The following EXOC6B variants were observed in gnomAD, a reference collection of about 807,000 sequenced individuals.
EXOC6B encodes exocyst complex component 6B.
In EXOC6B, 54 loss-of-function variants were observed where a neutral mutation model predicts 113.5. The observed-to-expected ratio is 0.48, with a 90% CI of 0.38 to 0.60. The LOEUF (loss-of-function observed/expected upper bound fraction) is 0.60. EXOC6B is among the 20% of genes least tolerant of loss of function. EXOC6B has a pLI of 0.00. For missense variants in EXOC6B, 797 were observed against 977.5 expected, an observed-to-expected ratio of 0.82 and a Z score of 2.46; for synonymous variants, 357 against 339.0, an observed-to-expected ratio of 1.05 and a Z score of -0.58.
At position 72,590,176 on chromosome 2, in the gene EXOC6B, A is replaced by G. The variant is rs760067581; in HGVS notation, c.670-14508T>C. ...TAATGAGATGAAGGATGGGTGATTC[A>G]AACGCATATAAGACAACTTATCATA... On this transcript the variant is annotated intron_variant, in intron 6 of 21. Coordinates refer to ENST00000272427, the MANE Select transcript of EXOC6B (RefSeq NM_015189.3). Among the ~76,000 whole-genome samples, 3 of 152,134 alleles carry G rather than the reference A, an allele frequency of 2.0e-5. No individual in the cohort carries two copies. The East Asian group carries it at 5.8e-4, about 29-fold the overall frequency.
intron 20 of EXOC6B, among the ~76,000 whole-genome samples, chr2:72,300,597 AT>A (rs1686450307): frequency 6.6e-6 from 1 of 152,144 alleles, no homozygotes; most frequent in Non-Finnish European, 1.5e-5. Flanking sequence ...AGCTAGTTTG[AT>A]GTCTGCCCAA....
chr2:72,385,071 TAA>T (rs1455659452), intron 18 of EXOC6B, among the ~76,000 whole-genome samples: 1 of 151,928 alleles, frequency 6.6e-6, no homozygotes, highest in Non-Finnish European at 1.5e-5. Flanking sequence ...TTAACAGAAA[TAA>T]CAAAGATGGA....
intron 6 of EXOC6B, among the ~76,000 whole-genome samples, chr2:72,638,537 C>T (rs1216856947): frequency 6.6e-6 from 1 of 152,102 alleles, no homozygotes; most frequent in Non-Finnish European, 1.5e-5. Context: ...AGCTGGGAAC[C>T]CTACATGAGG....
At chr2:72,709,486 C>T (rs954837712) in intron 6 of EXOC6B, among the ~76,000 whole-genome samples, 2 of 152,070 alleles carry the variant, frequency 1.3e-5, no homozygotes, top group African/African-American at 4.8e-5. Context: ...TCGAGGGTTG[C>T]TGAAAAGAAA....
At chr2:72,532,013 G>T (rs961554614) in intron 8 of EXOC6B, among the ~76,000 whole-genome samples, 2 of 152,008 alleles carry the variant, frequency 1.3e-5, no homozygotes, top group African/African-American at 4.8e-5. Context: ...AAATAAAAAA[G>T]AATGCCATAG....
chr2:72,654,303 C>G (rs1194642070), intron 6 of EXOC6B, among the ~76,000 whole-genome samples: 1 of 152,180 alleles, frequency 6.6e-6, no homozygotes, highest in African/African-American at 2.4e-5. Context: ...GATTTTTCTC[C>G]AGCTTTCAAT....
At chr2:72,656,096 C>T (rs544085988) in intron 6 of EXOC6B, among the ~76,000 whole-genome samples, 198 of 151,842 alleles carry the variant, frequency 1.3e-3, no homozygotes, top group Non-Finnish European at 2.5e-3. Flanking sequence ...CTAAAAATGC[C>T]CAAAAACATT....
intron 19 of EXOC6B, among the ~76,000 whole-genome samples, chr2:72,370,780 C>T (rs191621497): frequency 2.0e-5 from 3 of 151,014 alleles, no homozygotes; most frequent in African/African-American, 4.9e-5. Context: ...CCAAACACCG[C>T]ATGTTCTCAC....
intron 1 of EXOC6B, among the ~76,000 whole-genome samples, chr2:72,824,025 G>C (rs532128767): frequency 1.3e-5 from 2 of 152,218 alleles, no homozygotes; most frequent in African/African-American, 4.8e-5. Context: ...AAGGCAATGG[G>C]GGTTGGTGGA....
At chr2:72,773,120 C>CTTTTTTTTTTTTTTTTTTTTT (rs1254377634) in intron 1 of EXOC6B, among the ~76,000 whole-genome samples, 11 of 94,892 alleles carry the variant, frequency 1.2e-4, no homozygotes, top group African/African-American at 5.2e-4. Context: ...CTTAGATTTT[C>CTTTTTTTTTTTTTTTTTTTTT]TTTTTTTTTT....
At chr2:72,385,704 T>C (rs1010909674) in intron 18 of EXOC6B, among the ~76,000 whole-genome samples, 3 of 152,106 alleles carry the variant, frequency 2.0e-5, no homozygotes, top group Non-Finnish European at 4.4e-5. Context: ...GCAAAGGATC[T>C]GAATAGACAT....
chr2:72,299,495 A>G (rs1686363738), intron 20 of EXOC6B, among the ~76,000 whole-genome samples: 1 of 151,804 alleles, frequency 6.6e-6, no homozygotes, highest in African/African-American at 2.4e-5. Flanking sequence ...GGAGTTTGTT[A>G]TTACCCACCC....
rs572378300 is a variant in EXOC6B at position 72,229,331 on chromosome 2, C to T, written c.2197-45144G>A. Among the ~76,000 whole-genome samples, 7 of 152,202 alleles carry T rather than the reference C, an allele frequency of 4.6e-5. No individual in the cohort carries two copies. The South Asian group carries it at 8.3e-4, about 18-fold the overall frequency. On this transcript the variant is annotated intron_variant, in intron 20 of 21. Transcript: ENST00000272427. Reference sequence around the variant, plus strand: ...ACTCCAACAGTGATGGGAGCATTTACGAAGATTACGAAGCAAAGAGAAGCA... The same window carrying T: ...ACTCCAACAGTGATGGGAGCATTTATGAAGATTACGAAGCAAAGAGAAGCA...
intron 6 of EXOC6B, among the ~76,000 whole-genome samples, chr2:72,707,430 T>G (rs1055021516): frequency 6.6e-6 from 1 of 151,806 alleles, no homozygotes; most frequent in Admixed American, 6.6e-5. Flanking sequence ...TTTTTTTTTT[T>G]TGAGACAGAG....
intron 6 of EXOC6B, among the ~76,000 whole-genome samples, chr2:72,595,489 T>C (rs1453689910): frequency 2.6e-5 from 4 of 151,172 alleles, no homozygotes; most frequent in Admixed American, 6.6e-5. Flanking sequence ...TAAGAAAATA[T>C]GAATACTACA....
Position 72,422,301 on chromosome 2 carries a change from G to A in EXOC6B, c.1981-42431C>T, listed in dbSNP as rs146408206. Reference sequence around the variant, plus strand: ...GCCAGCTGGGCTCCTGAGTCTGGTGGGGACGTTGGAGAGTCTTTATTATCT... The same window carrying A: ...GCCAGCTGGGCTCCTGAGTCTGGTGAGGACGTTGGAGAGTCTTTATTATCT... On this transcript the variant is annotated intron_variant, in intron 18 of 21. Coordinates refer to ENST00000272427, the MANE Select transcript of EXOC6B (RefSeq NM_015189.3). 1.5e-3 allele frequency among the ~76,000 whole-genome samples: 232 copies of A among 152,360 alleles called. 1 individual carries two copies. The highest frequency in any genetic ancestry group is 2.2e-3 in the Non-Finnish European group (148 of 68,036).
At chr2:72,567,449 C>CA (rs1432833360) in intron 7 of EXOC6B, among the ~76,000 whole-genome samples, 6 of 151,966 alleles carry the variant, frequency 3.9e-5, no homozygotes, top group South Asian at 2.1e-4. Flanking sequence ...TACAGAATGA[C>CA]AGAAAAGACT....
At chr2:72,383,099 A>G (rs80061981) in intron 18 of EXOC6B, among the ~76,000 whole-genome samples, 2,153 of 152,276 alleles carry the variant, frequency 0.014, 66 homozygotes, top group African/African-American at 0.049. Flanking sequence ...ATTTCATGAC[A>G]AAGACCCTAA....
chr2:72,781,340 G>T (rs1684024043), intron 1 of EXOC6B, among the ~76,000 whole-genome samples: 1 of 152,034 alleles, frequency 6.6e-6, no homozygotes, highest in Admixed American at 6.6e-5. Flanking sequence ...AATTTCAGTG[G>T]CTTAAAACAA....
Sources: allele counts gnomAD v4.1 joint callset (sites outside exome capture counted in the v4.1 genomes callset), GRCh38; gene constraint gnomAD v4.1.1; transcripts MANE v1.5; gene names NCBI Gene and HGNC (gene_info 2026-07-23, HGNC 2026-07-21).